USP24: variants seen among roughly 807,000 people sequenced by gnomAD.
The protein encoded by USP24 is ubiquitin carboxyl-terminal hydrolase 24.
USP24 carries 97 observed loss-of-function variants against 361.6 expected under a neutral mutation model. That is an observed-to-expected ratio of 0.27 (90% CI 0.23 to 0.32). The LOEUF is 0.32. Among genes scored for constraint, USP24 ranks in the 10% least tolerant of loss-of-function variants. The pLI is 1.00. For missense variants in USP24, 2,353 were observed against 3,165.6 expected, an observed-to-expected ratio of 0.74 and a Z score of 6.16; for synonymous variants, 1,098 against 1,124.6, an observed-to-expected ratio of 0.98 and a Z score of 0.47.
chr1:55,155,922 CCTT>C (rs1385062663), intron 12 of USP24, among the ~76,000 whole-genome samples: 1 of 152,160 alleles, frequency 6.6e-6, no homozygotes, highest in African/African-American at 2.4e-5. Flanking sequence ...AATACCCCTT[CCTT>C]CTTTTTGCTT....
intron 63 of USP24, among the ~76,000 whole-genome samples, chr1:55,074,824 C>T (rs369147658): frequency 2.0e-5 from 3 of 152,018 alleles, no homozygotes; most frequent in Admixed American, 2.0e-4. Flanking sequence ...TAGCTTAAAT[C>T]TTTTTTCTAC....
rs138436072 is a variant in USP24 at position 55,070,015 on chromosome 1, G to A, written c.7801-908C>T. Among the ~76,000 whole-genome samples, 808 of 152,080 alleles carry A rather than the reference G, an allele frequency of 5.3e-3. 7 individuals carry two copies. The highest frequency in any genetic ancestry group is 0.019 in the African/African-American group (780 of 41,476). ...GAAAGGTTTTAGTGCATGAACCAGAGAGAAGCAGGGGTGGAGGTGAGGGGA... is the reference window on the plus strand; with the variant it reads ...GAAAGGTTTTAGTGCATGAACCAGAAAGAAGCAGGGGTGGAGGTGAGGGGA... On this transcript the variant is annotated intron_variant, in intron 67 of 67. Transcript: ENST00000294383.
rs141806975 is a variant in USP24 at position 55,209,861 on chromosome 1, A to G, written c.324+4929T>C. Among the ~76,000 whole-genome samples, 12 of 152,278 alleles carry G rather than the reference A, an allele frequency of 7.9e-5. No individual in the cohort carries two copies. In the East Asian group the frequency reaches 2.1e-3, roughly 27 times the overall value. On this transcript the variant is annotated intron_variant, in intron 1 of 67. Transcript: ENST00000294383. ...AATCTTTTTTAACATTTTCTTATTA[A>G]AAGTAAAAAACGCCCTCCTTCACAC...
intron 64 of USP24, among the ~76,000 whole-genome samples, chr1:55,073,624 T>C (rs1444174090): frequency 6.6e-6 from 1 of 152,164 alleles, no homozygotes; most frequent in South Asian, 2.1e-4. Context: ...TTTCTGGGAT[T>C]CTATAAAGAT....
chr1:55,086,620 T>C (rs1645257070), intron 55 of USP24, among the ~76,000 whole-genome samples: 1 of 152,242 alleles, frequency 6.6e-6, no homozygotes, highest in South Asian at 2.1e-4. Context: ...TATAAGGTGA[T>C]ATGAAGGAAT....
intron 1 of USP24, among the ~76,000 whole-genome samples, chr1:55,181,709 T>C (rs1347226868): frequency 6.6e-6 from 1 of 152,188 alleles, no homozygotes; most frequent in Admixed American, 6.5e-5. Context: ...ACTCAGTAGA[T>C]GTAAAAACTA....
intron 38 of USP24, among the ~76,000 whole-genome samples, chr1:55,116,813 A>C (rs530105574): frequency 6.6e-6 from 1 of 152,342 alleles, no homozygotes; most frequent in Non-Finnish European, 1.5e-5. Flanking sequence ...CTTTCAAAAA[A>C]CTGAAGAGGA....
chr1:55,190,040 C>G (rs1333949646), intron 1 of USP24, among the ~76,000 whole-genome samples: 1 of 151,346 alleles, frequency 6.6e-6, no homozygotes, highest in East Asian at 1.9e-4. Flanking sequence ...TGGAAGGCAC[C>G]TGTAATCCCA....
intron 32 of USP24, among the ~76,000 whole-genome samples, chr1:55,126,466 T>C (rs1422393067): frequency 1.3e-5 from 2 of 152,240 alleles, no homozygotes; most frequent in Non-Finnish European, 1.5e-5. Flanking sequence ...CTTATGTTAA[T>C]TGTCTCCCCC....
intron 38 of USP24, among the ~76,000 whole-genome samples, chr1:55,115,955 G>T (rs1646102832): frequency 6.6e-6 from 1 of 152,126 alleles, no homozygotes; most frequent in Non-Finnish European, 1.5e-5. Flanking sequence ...CTCATAAGTG[G>T]GAGTTGAATA....
At chr1:55,099,713 AT>A in intron 45 of USP24, 57 bp downstream of exon 45, 1 of 1,231,764 alleles carries the variant, frequency 8.1e-7, no homozygotes, top group Non-Finnish European at 1.2e-6. Flanking sequence ...CTAAGACACT[AT>A]TCTCATACTA....
intron 62 of USP24, 116 bp from the exon 63 acceptor site, chr1:55,075,639 C>G: frequency 2.1e-6 from 1 of 478,188 alleles, no homozygotes; most frequent in Non-Finnish European, 3.5e-6. Flanking sequence ...ACAACAACAA[C>G]AACAACAACA....
At chr1:55,106,036 T>C (rs1570415334) in intron 41 of USP24, 110 bp downstream of exon 41, 3 of 846,688 alleles carry the variant, frequency 3.5e-6, no homozygotes, top group Non-Finnish European at 5.9e-6. Context: ...TAATATAGGA[T>C]ACACAGACTC....
intron 1 of USP24, among the ~76,000 whole-genome samples, chr1:55,192,276 G>A (rs1321841094): frequency 3.9e-5 from 6 of 152,166 alleles, no homozygotes; most frequent in Non-Finnish European, 8.8e-5. Context: ...ACCTACTGGG[G>A]AGGTACCTAC....
chr1:55,215,171 T>A lies in USP24; in HGVS notation c.-58A>T. On this transcript the variant is annotated 5_prime_UTR_variant, in exon 1 of 68. Transcript: ENST00000294383. ...ACGGCGAAGCTACGGGTCCCGGGCC[T>A]GGCGGGCCGCGCGGCGCACCCTCCG... 8.4e-7 allele frequency: 1 copy of A among 1,193,900 alleles called. No individual in the cohort carries two copies. The highest frequency in any genetic ancestry group is 1.0e-6 in the Non-Finnish European group (1 of 960,768). The allele number at this position is 1,193,900 out of a possible 1,614,324, so 74.0% of individuals were successfully genotyped here.
In USP24 at chr1:55,172,440, T is replaced by C. The variant is rs1337159004; in HGVS notation, c.639A>G (p.Glu213=). The change falls in exon 4 of 68, where the codon GAA becomes GAG. Residue 213 remains glutamate, a synonymous_variant. Transcript: ENST00000294383. ...GIYNMLMLLI[E]LVAERIKQDP... ...CTTGTTTTATTCTCTCTGCGACCAG[T>C]TCTATTAATAGCATCAACATGTTGT... The C allele has an allele frequency of 6.2e-7, 1 of 1,613,588 alleles. No individual in the cohort carries two copies. Among genetic ancestry groups the C allele is most frequent in the Non-Finnish European group, 8.5e-7 (1 of 1,179,688 alleles).
At chr1:55,081,503 T>C (rs1409606513) in intron 58 of USP24, 79 bp from the exon 59 acceptor site, 4 of 1,310,218 alleles carry the variant, frequency 3.1e-6, no homozygotes, top group Non-Finnish European at 4.4e-6. Flanking sequence ...GGTTTGCTGG[T>C]TCATAATATT....
intron 21 of USP24, 96 bp downstream of exon 21, chr1:55,144,031 C>T (rs993205397): frequency 2.0e-6 from 2 of 1,021,264 alleles, no homozygotes; most frequent in Non-Finnish European, 2.8e-6. Context: ...CCAAAAAAAT[C>T]CATGTTATCT....
intron 13 of USP24, 84 bp downstream of exon 13, chr1:55,154,587 T>G: frequency 7.6e-6 from 11 of 1,452,934 alleles, no homozygotes; most frequent in Non-Finnish European, 9.5e-6. Flanking sequence ...TACTGCTAAC[T>G]GGTGGGGAGG....
Sources: gnomAD v4.1 joint callset for allele counts (sites outside exome capture counted in the v4.1 genomes callset) on GRCh38, gnomAD v4.1.1 for gene constraint, MANE v1.5 for transcripts, NCBI Gene and HGNC (gene_info 2026-07-23, HGNC 2026-07-21) for gene names.